Variants in MAP7D2 observed in about 807,000 individuals in gnomAD.
MAP7D2 encodes the protein MAP7 domain-containing protein 2.
MAP7D2 carries 33 observed loss-of-function variants against 63.5 expected under a neutral mutation model. That is an observed-to-expected ratio of 0.52 (90% CI 0.39 to 0.70). The LOEUF (loss-of-function observed/expected upper bound fraction) is 0.70, where lower values mean the gene tolerates loss of function less well. Among genes scored for constraint, MAP7D2 ranks in the 30% least tolerant of loss-of-function variants. MAP7D2 has a pLI of 0.00. For synonymous variants in MAP7D2, 224 were observed against 223.7 expected (o/e 1.00, Z -0.01); for missense variants, 626 against 604.0 (o/e 1.04, Z -0.38).
intron 1 of MAP7D2, among the ~76,000 whole-genome samples, chrX:20,100,114 C>T (rs1029019109): frequency 8.0e-5 from 9 of 112,119 alleles, no homozygotes; most frequent in Non-Finnish European, 1.7e-4. Context: ...ATCCAAGGAC[C>T]TTTTATTAAA....
chrX:20,098,763 A>C (rs1237401723), intron 1 of MAP7D2, among the ~76,000 whole-genome samples: 3 of 112,548 alleles, frequency 2.7e-5, no homozygotes, highest in Admixed American at 9.4e-5. Flanking sequence ...CCTGGATGGC[A>C]GCGAGTAAAG....
At chrX:20,023,420 G>A (rs1186427748) in intron 10 of MAP7D2, among the ~76,000 whole-genome samples, 1 of 112,388 alleles carries the variant, frequency 8.9e-6, no homozygotes, top group East Asian at 2.8e-4. Context: ...GGGGATGAGG[G>A]GCAGACAGAG....
rs766510441 is a variant in MAP7D2, at chrX:20,064,719, A to G, written c.208+9T>C. 4 of 1,207,799 alleles carry G rather than the reference A, an allele frequency of 3.3e-6. No homozygotes were observed. Among genetic ancestry groups the G allele is most frequent in the East Asian group, 3.0e-5 (1 of 33,847 alleles). On this transcript the variant is annotated intron_variant, in intron 2 of 16. Coordinates refer to ENST00000379643, the MANE Select transcript of MAP7D2 (RefSeq NM_001168465.2). Reference sequence around the variant, plus strand: ...CCTTGGACCAAAATAGCCAAAGTGCATAACTTACCCAGACATTTTTCTCTT... The same window carrying G: ...CCTTGGACCAAAATAGCCAAAGTGCGTAACTTACCCAGACATTTTTCTCTT...
At chrX:20,042,780 A>T in intron 7 of MAP7D2, 151 bp from the exon 8 acceptor site, 1 of 637,625 alleles carries the variant, frequency 1.6e-6, no homozygotes, top group Non-Finnish European at 2.4e-6. Flanking sequence ...CTTTGCGGGG[A>T]GGCAGGATGA....
At chrX:20,032,909 G>T (rs982143549) in intron 8 of MAP7D2, among the ~76,000 whole-genome samples, 3 of 112,260 alleles carry the variant, frequency 2.7e-5, no homozygotes, top group African/African-American at 9.7e-5. Flanking sequence ...GCCATTTCTT[G>T]TTGGAACCCA....
chrX:20,029,737 T>C (rs2073988353), intron 8 of MAP7D2, among the ~76,000 whole-genome samples: 1 of 110,704 alleles, frequency 9.0e-6, no homozygotes, highest in Non-Finnish European at 1.9e-5. Context: ...CACACACTTG[T>C]ATGCACACAC....
chrX:20,050,681 G>T (rs928819013), intron 6 of MAP7D2, 143 bp downstream of exon 6: 1 of 606,362 alleles, frequency 1.6e-6, no homozygotes. Context: ...GCAAAACACT[G>T]GTATAAGACG....
At chrX:20,038,358 C>T (rs1048055268) in intron 8 of MAP7D2, among the ~76,000 whole-genome samples, 3 of 111,796 alleles carry the variant, frequency 2.7e-5, no homozygotes, top group African/African-American at 9.8e-5. Flanking sequence ...CAGCAGTGGG[C>T]TCATGCTCAT....
At chrX:20,010,426 T>C (rs969659572) in intron 16 of MAP7D2, among the ~76,000 whole-genome samples, 2 of 111,226 alleles carry the variant, frequency 1.8e-5, no homozygotes, top group African/African-American at 3.3e-5. Flanking sequence ...GGTGGGGAAA[T>C]TCATCTTATT....
intron 10 of MAP7D2, among the ~76,000 whole-genome samples, chrX:20,024,681 AG>A (rs2073777953): frequency 8.9e-6 from 1 of 112,203 alleles, no homozygotes; most frequent in South Asian, 3.7e-4. Context: ...CCAAAGTCCA[AG>A]AGGAGAATGG....
At chrX:20,116,509 C>T in intron 1 of MAP7D2, 8 of 858,244 alleles carry the variant, frequency 9.3e-6, no homozygotes, top group Non-Finnish European at 1.1e-5. Flanking sequence ...CCCTAAGCCA[C>T]CCCCCATGTG....
At chrX:20,008,671 T>C (rs1407885654) in intron 16 of MAP7D2, among the ~76,000 whole-genome samples, 3 of 112,104 alleles carry the variant, frequency 2.7e-5, no homozygotes, top group African/African-American at 9.7e-5. Context: ...GCTTTGTCTT[T>C]CAAATGCCCC....
intron 1 of MAP7D2, among the ~76,000 whole-genome samples, chrX:20,116,290 G>T (rs1348991437): frequency 8.8e-6 from 1 of 113,188 alleles, no homozygotes; most frequent in Non-Finnish European, 1.9e-5. Context: ...ACGCCAAGAG[G>T]CGCGAAGCTG....
intron 1 of MAP7D2, among the ~76,000 whole-genome samples, chrX:20,096,934 T>A (rs1438417358): frequency 8.9e-6 from 1 of 112,245 alleles, no homozygotes; most frequent in Non-Finnish European, 1.9e-5. Flanking sequence ...AATATTTTAA[T>A]TGCATTAGTT....
At chrX:20,068,801 C>G (rs1312601056) in intron 1 of MAP7D2, among the ~76,000 whole-genome samples, 2 of 111,903 alleles carry the variant, frequency 1.8e-5, no homozygotes, top group Non-Finnish European at 3.8e-5. Context: ...TCCCATAATT[C>G]CCAGGTGTTG....
chrX:20,115,556 C>T (rs1307110219), intron 1 of MAP7D2, among the ~76,000 whole-genome samples: 1 of 111,498 alleles, frequency 9.0e-6, no homozygotes, highest in Admixed American at 9.6e-5. Context: ...GTAGTTATAA[C>T]GTTATCCTGT....
intron 7 of MAP7D2, among the ~76,000 whole-genome samples, chrX:20,043,888 C>A (rs1168482553): frequency 1.8e-5 from 2 of 111,823 alleles, no homozygotes; most frequent in Non-Finnish European, 3.8e-5. Flanking sequence ...GTCCCAGCTA[C>A]TCAGGAGGCT....
intron 1 of MAP7D2, among the ~76,000 whole-genome samples, chrX:20,073,519 GTTCTT>G (rs1223753793): frequency 1.9e-5 from 2 of 107,456 alleles, no homozygotes; most frequent in Admixed American, 1.0e-4. Context: ...TTTTAGAGGG[GTTCTT>G]TTCTTTTCTT....
chrX:20,044,348 G>A lies in MAP7D2; in HGVS notation c.879+16C>T. Reference sequence around the variant, plus strand: ...ACAGTCTAGAGGAGTGAGTGGGTGGGTGGTTTTAAACCTACCAGAGAGGCC... The same window carrying A: ...ACAGTCTAGAGGAGTGAGTGGGTGGATGGTTTTAAACCTACCAGAGAGGCC... On this transcript the variant is annotated intron_variant, in intron 7 of 16. Coordinates refer to ENST00000379643, the MANE Select transcript of MAP7D2 (RefSeq NM_001168465.2). 8.3e-7 allele frequency: 1 copy of A among 1,207,460 alleles called. No homozygotes were observed.
Sources: gnomAD v4.1 joint callset for allele counts (sites outside exome capture counted in the v4.1 genomes callset) on GRCh38, gnomAD v4.1.1 for gene constraint, MANE v1.5 for transcripts, NCBI Gene and HGNC (gene_info 2026-07-23, HGNC 2026-07-21) for gene names.